SLC9A6: variants seen among roughly 807,000 people sequenced by gnomAD.
SLC9A6 encodes the protein solute carrier family 9 member A6, also known as sodium/hydrogen exchanger 6.
SLC9A6 carries 6 observed loss-of-function variants against 45.3 expected under a neutral mutation model. That is an observed-to-expected ratio of 0.13 (90% confidence interval 0.07 to 0.26). The LOEUF (loss-of-function observed/expected upper bound fraction) is 0.26, where lower values mean the gene tolerates loss of function less well. SLC9A6 is among the 10% of genes least tolerant of loss of function. The pLI is 1.00. For synonymous variants in SLC9A6, 191 were observed against 187.7 expected (o/e 1.02, Z -0.14); for missense variants, 278 against 503.7 (o/e 0.55, Z 4.29).
upstream of SLC9A6, among the ~76,000 whole-genome samples, chrX:135,984,268 T>C (rs1177341582): frequency 9.0e-6 from 1 of 110,917 alleles, no homozygotes; most frequent in Non-Finnish European, 1.9e-5. Context: ...GTACCACTGA[T>C]GGTATGAAGA....
chrX:136,020,120 G>T (rs1220186296), intron 11 of SLC9A6, among the ~76,000 whole-genome samples: 2 of 111,441 alleles, frequency 1.8e-5, no homozygotes. Context: ...TTAATCACTT[G>T]GTTGAGATAG....
intron 12 of SLC9A6, among the ~76,000 whole-genome samples, chrX:136,023,295 A>G (rs1230227073): frequency 2.1e-5 from 2 of 94,751 alleles, no homozygotes; most frequent in Non-Finnish European, 4.2e-5. Context: ...TATGTCATAC[A>G]AAGTGAGAAA....
upstream of SLC9A6, among the ~76,000 whole-genome samples, chrX:135,974,428 G>A (rs1261704409): frequency 1.5e-4 from 8 of 54,623 alleles, no homozygotes; most frequent in Non-Finnish European, 1.0e-4. Context: ...GAGGGGCGGG[G>A]AGGAGGTGGG....
intron 16 of SLC9A6, among the ~76,000 whole-genome samples, chrX:136,037,331 A>G (rs192076924): frequency 8.9e-6 from 1 of 112,584 alleles, no homozygotes; most frequent in South Asian, 3.7e-4. Flanking sequence ...GAGAGAAATG[A>G]TATCATAACA....
intron 1 of SLC9A6, among the ~76,000 whole-genome samples, chrX:135,978,727 G>A (rs996572210): frequency 4.5e-5 from 5 of 111,269 alleles, no homozygotes; most frequent in African/African-American, 1.3e-4. Context: ...CATTGGGTTG[G>A]TCTGTTCAGA....
intron 16 of SLC9A6, 84 bp from the exon 17 acceptor site, chrX:136,039,992 A>G (rs1364556665): frequency 8.0e-6 from 6 of 750,600 alleles, no homozygotes; most frequent in Non-Finnish European, 1.2e-5. Context: ...AGTGGTTACT[A>G]TACTATGATG....
intron 2 of SLC9A6, among the ~76,000 whole-genome samples, chrX:135,988,473 T>TTTTCTTTCTTTCTTTC (rs781937749): frequency 4.7e-4 from 50 of 106,916 alleles, no homozygotes; most frequent in African/African-American, 1.4e-3. Flanking sequence ...TCTTTCTTTC[T>TTTTCTTTCTTTCTTTC]TTTCTTTCTT....
At chrX:136,005,044 T>A (rs782155292) in intron 7 of SLC9A6, among the ~76,000 whole-genome samples, 1 of 112,242 alleles carries the variant, frequency 8.9e-6, no homozygotes, top group Admixed American at 9.4e-5. Flanking sequence ...TATTCTACTG[T>A]TCAGTCATCT....
At position 136,030,157 on chromosome X, in the gene SLC9A6, C is replaced by T; in HGVS notation, c.1576C>T (p.His526Tyr). ...DRVGVDSDQE[H>Y]LGVPENERRT... ...GGTTGGTGTTGATTCAGACCAAGAA[C>T]ACTTGGTAAATATGCGTTTTTGTTG... is the stretch of plus-strand genomic sequence containing the variant. The change falls in exon 15 of 18, where the codon CAC (histidine) becomes TAC (tyrosine). Residue 526 changes from histidine (H) to tyrosine (Y), a missense_variant. By Grantham distance (83) the His-to-Tyr change is moderately conservative. Around this residue, in one of 5 missense-constraint regions of SLC9A6, gnomAD observed 91 missense variants for 125.1 expected, o/e 0.73. Transcript: ENST00000630721. 2 of 1,209,360 alleles carry T rather than the reference C, an allele frequency of 1.7e-6. No individual in the cohort carries two copies. The highest frequency in any genetic ancestry group is 2.2e-6 in the Non-Finnish European group (2 of 893,121).
At chrX:136,000,517 C>CT (rs2089566478) in intron 6 of SLC9A6, among the ~76,000 whole-genome samples, 1 of 111,463 alleles carries the variant, frequency 9.0e-6, no homozygotes, top group African/African-American at 3.3e-5. Context: ...TATGAGAAAT[C>CT]TGAGTCCATG....
At chrX:135,998,283 C>T in intron 4 of SLC9A6, 98 bp downstream of exon 4, 4 of 592,240 alleles carry the variant, frequency 6.8e-6, no homozygotes, top group Non-Finnish European at 1.2e-5. Flanking sequence ...TTCCAGATTA[C>T]CCTCCTTTCT....
rs782128147 is a variant in SLC9A6 at position 135,985,923 on chromosome X, C to G, written c.169+96C>G. On this transcript the variant is annotated intron_variant, in intron 2 of 17. Transcript: ENST00000630721. ...CTGCTGGCCCTGCTCGGCCTACGTT[C>G]GGCTCCCCTTCTAATTCCTTCCATT... The G allele has an allele frequency of 1.1e-5, 11 of 1,017,368 alleles. No individual in the cohort carries two copies. In the Admixed American group the frequency reaches 2.3e-4, roughly 21 times the overall value. 83.8% of individuals were successfully genotyped at this position (1,017,368 alleles called of 1,213,427 possible). A position where few individuals can be genotyped will look rare whatever the true frequency, so the allele number is the denominator to read the frequency against.
At chrX:135,997,990 C>G (rs1556616802) in intron 3 of SLC9A6, 118 bp from the exon 4 acceptor site, 3 of 484,586 alleles carry the variant, frequency 6.2e-6, no homozygotes. Context: ...TAAGTTAGCA[C>G]AGTAATGTTC....
At chrX:136,020,229 G>A (rs1556619766) in intron 11 of SLC9A6, among the ~76,000 whole-genome samples, 1 of 112,030 alleles carries the variant, frequency 8.9e-6, no homozygotes, top group Non-Finnish European at 1.9e-5. Context: ...AAGGATTGAG[G>A]AATGGGGAGT....
intron 12 of SLC9A6, among the ~76,000 whole-genome samples, chrX:136,022,900 C>G (rs1556620093): frequency 2.7e-5 from 3 of 109,212 alleles, no homozygotes; most frequent in Non-Finnish European, 5.7e-5. Flanking sequence ...ACCTCTGCCT[C>G]CCAGGTTCAA....
At chrX:136,033,598 AACCT>A (rs2071365171) in intron 16 of SLC9A6, 105 bp downstream of exon 16, 1 of 454,860 alleles carries the variant, frequency 2.2e-6, no homozygotes, top group Non-Finnish European at 3.8e-6. Context: ...CAGAATATAA[AACCT>A]ACCTTTCATC....
At position 136,005,735 on chromosome X, in the gene SLC9A6, T is replaced by C. The variant is rs151038835; in HGVS notation, c.743+3522T>C. The stretch of plus-strand genomic sequence containing the variant: ...CCATAGCATTTCTCACAAAGGGCCA[T>C]ACTTCTTCTCTTGCAGCCTTTCTCA... On this transcript the variant is annotated intron_variant, in intron 7 of 17. Transcript: ENST00000630721. Among the ~76,000 whole-genome samples the C allele has an allele frequency of 4.7e-3, 519 of 109,630 alleles. 3 individuals are homozygous for C. The highest frequency in any genetic ancestry group is 0.015 in the African/African-American group (457 of 30,139).
intron 2 of SLC9A6, among the ~76,000 whole-genome samples, chrX:135,986,656 A>G (rs1556615017): frequency 9.0e-6 from 1 of 111,405 alleles, no homozygotes; most frequent in Non-Finnish European, 1.9e-5. Flanking sequence ...CGATTGTAGA[A>G]TAAATGGCTT....
chrX:136,002,255 G>A (rs2089594164), intron 7 of SLC9A6, 42 bp downstream of exon 7: 8 of 898,929 alleles, frequency 8.9e-6, no homozygotes, highest in East Asian at 3.1e-5. Context: ...TATTAAGTGT[G>A]AGGGTACTAG....
Sources: allele counts gnomAD v4.1 joint callset (sites outside exome capture counted in the v4.1 genomes callset), GRCh38; gene constraint gnomAD v4.1.1; regional missense constraint gnomAD v4.1.1; transcripts MANE v1.5; gene names NCBI Gene and HGNC (gene_info 2026-07-23, HGNC 2026-07-21).